The following CHIA variants were observed in gnomAD, a reference collection of about 807,000 sequenced individuals.
CHIA encodes the protein chitinase acidic.
In CHIA, 47 loss-of-function variants were observed where a neutral mutation model predicts 53.5. That is an observed-to-expected ratio of 0.88 (90% confidence interval 0.70 to 1.12). The LOEUF (loss-of-function observed/expected upper bound fraction) is 1.12. Ranked by LOEUF, CHIA falls within the 50% of genes most tolerant of loss-of-function variation. The probability of loss-of-function intolerance (pLI) is 0.00; values close to 1 mark genes in which losing one functional copy is unlikely to be tolerated. For synonymous variants in CHIA, 268 were observed against 222.2 expected, an observed-to-expected ratio of 1.21 and a Z score of -1.83; for missense variants, 652 against 592.2, an observed-to-expected ratio of 1.10 and a Z score of -1.05.
chr1:111,319,142 G>A lies in CHIA; in HGVS notation c.938G>A (p.Gly313Glu). 1 of 1,613,382 alleles carries A rather than the reference G, an allele frequency of 6.2e-7. No individual in the cohort carries two copies. The highest frequency in any genetic ancestry group is 1.1e-5 in the South Asian group (1 of 91,066). ...AAGATCTGTACCTTCCTGAAAAATG[G>A]AGCCACTCAGGGATGGGATGCCCCT... The part of the protein sequence containing the change: ...YYEICTFLKN[G>E]ATQGWDAPQE... The change falls in exon 10 of 12, where the codon GGA becomes GAA. Residue 313 changes from glycine (G) to glutamate (E), a missense_variant. By Grantham distance (98) the Gly-to-Glu change is moderately conservative. Coordinates refer to ENST00000369740, the MANE Select transcript of CHIA (RefSeq NM_201653.4).
rs539326022 is a variant in CHIA, at chr1:111,296,644, T to A, written c.-69+5694T>A. On this transcript the variant is annotated intron_variant, in intron 1 of 11. Coordinates refer to ENST00000369740, the MANE Select transcript of CHIA (RefSeq NM_201653.4). ...AACAGAGCAGAAAAGCTGAAAATTCTAAAATCCAGAGCACCTCTTATCCTC... is the reference window on the plus strand; with the variant it reads ...AACAGAGCAGAAAAGCTGAAAATTCAAAAATCCAGAGCACCTCTTATCCTC... Among the ~76,000 whole-genome samples the A allele has an allele frequency of 4.7e-4, 72 of 152,342 alleles. No homozygotes were observed. The South Asian group carries it at 0.012, about 26-fold the overall frequency.
At chr1:111,315,600 G>A (rs781283370) in intron 6 of CHIA, 165 bp downstream of exon 6, 1 of 698,390 alleles carries the variant, frequency 1.4e-6, no homozygotes, top group South Asian at 1.9e-5. Context: ...AACATTTAAT[G>A]GCAACAACAA....
chr1:111,291,110 T>C (rs1353853563), intron 1 of CHIA, among the ~76,000 whole-genome samples, 160 bp downstream of exon 1: 1 of 152,206 alleles, frequency 6.6e-6, no homozygotes, highest in African/African-American at 2.4e-5. Context: ...CCCTTAAAGG[T>C]ATTGTGTGTG....
intron 2 of CHIA, 72 bp downstream of exon 2, chr1:111,310,564 T>C: frequency 1.9e-6 from 3 of 1,611,246 alleles, no homozygotes; most frequent in Non-Finnish European, 2.5e-6. Flanking sequence ...CTGAAAATCA[T>C]GAAGTGGTCT....
chr1:111,296,971 A>G (rs756256796), intron 1 of CHIA, among the ~76,000 whole-genome samples: 3 of 152,226 alleles, frequency 2.0e-5, no homozygotes, highest in Non-Finnish European at 2.9e-5. Flanking sequence ...AAGAAAGGGT[A>G]TCCGTGATTG....
In CHIA at chr1:111,319,112, T is replaced by G; in HGVS notation, c.916-8T>G. On this transcript the variant is annotated splice_region_variant and splice_polypyrimidine_tract_variant and intron_variant, in intron 9 of 11. Coordinates refer to ENST00000369740, the MANE Select transcript of CHIA (RefSeq NM_201653.4). ...TTTAATAGATTTGAATCTCTTGACT[T>G]TTGAAAGATCTGTACCTTCCTGAAA... The G allele has an allele frequency of 6.2e-7, 1 of 1,606,772 alleles. No individual in the cohort carries two copies. The highest frequency in any genetic ancestry group is 1.3e-5 in the African/African-American group (1 of 74,462).
At chr1:111,315,519 C>A (rs1180005279) in intron 6 of CHIA, 84 bp downstream of exon 6, 2 of 1,396,738 alleles carry the variant, frequency 1.4e-6, no homozygotes, top group African/African-American at 1.4e-5. Flanking sequence ...TAGGGTAAAA[C>A]AAAACTTGAA....
At position 111,318,474 on chromosome 1, in the gene CHIA, T is replaced by G. The variant is rs776118901; in HGVS notation, c.730-19T>G. 6.8e-6 allele frequency: 11 copies of G among 1,606,220 alleles called. No individual in the cohort carries two copies. The highest frequency in any genetic ancestry group is 9.4e-6 in the Non-Finnish European group (11 of 1,174,888). On this transcript the variant is annotated intron_variant, in intron 8 of 11. Coordinates refer to ENST00000369740, the MANE Select transcript of CHIA (RefSeq NM_201653.4). ...TCCTCAGCTGGTTGGGCCATGTAACTAACCCACTGACATTGCAGGATTATG... is the reference window on the plus strand; with the variant it reads ...TCCTCAGCTGGTTGGGCCATGTAACGAACCCACTGACATTGCAGGATTATG...
rs116488064 is a variant in CHIA, at chr1:111,290,873, G to A, written c.-146G>A. The A allele has an allele frequency of 4.0e-3, 1,877 of 464,172 alleles. 27 individuals are homozygous for A. Among genetic ancestry groups the A allele is most frequent in the African/African-American group, 0.034 (1,659 of 49,324 alleles). The allele number at this position is 464,172 out of a possible 1,614,324, so 28.8% of individuals were successfully genotyped here. A position where few individuals can be genotyped will look rare whatever the true frequency, so the allele number is the denominator to read the frequency against. On this transcript the variant is annotated 5_prime_UTR_variant, in exon 1 of 12. Transcript: ENST00000369740. ...TGCCAAAGCTTCATGAAACCTCCTC[G>A]TCTGTGCACGAACAGGTGGCCGACT...
rs1430751961 is a variant in CHIA at position 111,319,415 on chromosome 1, G to T, written c.1124G>T (p.Gly375Val). ...TTCACTGGCACTTTCTGCAACCAGG[G>T]CAAGTTTCCCCTAATCTCCACCCTG... ...DDFTGTFCNQ[G>V]KFPLISTLKK... The change falls in exon 11 of 12, where the codon GGC becomes GTC. Residue 375 changes from glycine to valine, a missense_variant. By Grantham distance (109) the Gly-to-Val change is moderately radical. Coordinates refer to ENST00000369740, the MANE Select transcript of CHIA (RefSeq NM_201653.4). 1 of 1,614,168 alleles carries T rather than the reference G, an allele frequency of 6.2e-7. No homozygotes were observed.
Position 111,311,851 on chromosome 1 carries a change from T to C in CHIA, c.55+133T>C, listed in dbSNP as rs1224185316. On this transcript the variant is annotated intron_variant, in intron 3 of 11. Coordinates refer to ENST00000369740, the MANE Select transcript of CHIA (RefSeq NM_201653.4). ...GAGTAATCTAGTGTTTTGGATTGGC[T>C]GTCACTGCTATCCTCTTCAGCATGA... is the stretch of plus-strand genomic sequence containing the variant. 11 of 920,312 alleles carry C rather than the reference T, an allele frequency of 1.2e-5. No individual in the cohort carries two copies. The African/African-American group carries it at 1.8e-4, about 15-fold the overall frequency. 57.0% of individuals were successfully genotyped at this position (920,312 alleles called of 1,614,324 possible).
In CHIA at chr1:111,317,744, G is replaced by A. The variant is rs1476788236; in HGVS notation, c.544G>A (p.Ala182Thr). 3.1e-6 allele frequency: 5 copies of A among 1,613,922 alleles called. No homozygotes were observed. Among genetic ancestry groups the A allele is most frequent in the Admixed American group, 1.7e-5 (1 of 60,026 alleles). The part of the protein sequence containing the change: ...QINKPRLMVT[A>T]AVAAGISNIQ... ...CAACAAGCCCAGGCTGATGGTCACT[G>A]CTGCAGTAGCTGCTGGCATCTCCAA... Residue 182 changes from alanine to threonine, a missense_variant, in exon 7 of 12, where the codon GCT (alanine) becomes ACT (threonine). By Grantham distance (58) the Ala-to-Thr change is moderately conservative (BLOSUM62 0). Transcript: ENST00000369740.
At chr1:111,316,013 T>C in intron 6 of CHIA, 1 of 334,910 alleles carries the variant, frequency 3.0e-6, no homozygotes. Flanking sequence ...ATGTTAGAGG[T>C]CTGCAGAGTA....
At chr1:111,318,870 A>G (rs1237772473) in intron 9 of CHIA, among the ~76,000 whole-genome samples, 192 bp downstream of exon 9, 1 of 152,220 alleles carries the variant, frequency 6.6e-6, no homozygotes, top group Non-Finnish European at 1.5e-5. Context: ...ATATCCCTTC[A>G]CACAACAGAC....
At chr1:111,300,640 C>G (rs1263417484) in intron 1 of CHIA, among the ~76,000 whole-genome samples, 1 of 152,138 alleles carries the variant, frequency 6.6e-6, no homozygotes, top group Admixed American at 6.6e-5. Flanking sequence ...TAGAGGAAAA[C>G]CTAGGCAATA....
At chr1:111,298,916 A>T (rs1192164554) in intron 1 of CHIA, among the ~76,000 whole-genome samples, 2 of 152,238 alleles carry the variant, frequency 1.3e-5, no homozygotes, top group Non-Finnish European at 2.9e-5. Context: ...ATCACCACCG[A>T]TCCCACAGAA....
At chr1:111,301,661 C>A (rs1266442928) in intron 1 of CHIA, among the ~76,000 whole-genome samples, 2 of 146,154 alleles carry the variant, frequency 1.4e-5, no homozygotes, top group Non-Finnish European at 3.0e-5. Context: ...GAGATAGTGC[C>A]ACTGCACTCC....
chr1:111,302,501 T>A (rs1429329768), intron 1 of CHIA, among the ~76,000 whole-genome samples: 1 of 152,198 alleles, frequency 6.6e-6, no homozygotes, highest in Admixed American at 6.5e-5. Context: ...TATGACTACT[T>A]CTTTAATCTA....
In CHIA at chr1:111,317,817, G is replaced by A; in HGVS notation, c.605+12G>A. ...CCCCAACTGTCACAGTGAGTGATGT[G>A]CCTTATCTTCAAACTCCTGGAGGTG... On this transcript the variant is annotated intron_variant, in intron 7 of 11. Transcript: ENST00000369740. The A allele has an allele frequency of 6.2e-7, 1 of 1,613,744 alleles. No individual in the cohort carries two copies.
Sources: allele counts gnomAD v4.1 joint callset (sites outside exome capture counted in the v4.1 genomes callset), GRCh38; gene constraint gnomAD v4.1.1; transcripts MANE v1.5; gene names NCBI Gene and HGNC (gene_info 2026-07-23, HGNC 2026-07-21).